The following MYH9 variants were observed in gnomAD, a reference collection of about 807,000 sequenced individuals.
MYH9 encodes the protein myosin heavy chain 9.
MYH9 carries 29 observed loss-of-function variants against 241.9 expected under a neutral mutation model. The observed-to-expected ratio is 0.12, with a 90% confidence interval of 0.09 to 0.16. The LOEUF (loss-of-function observed/expected upper bound fraction) is 0.16. Among genes scored for constraint, MYH9 ranks in the 10% least tolerant of loss-of-function variants. MYH9 has a pLI of 1.00. For synonymous variants in MYH9, 1,047 were observed against 1,062.6 expected (o/e 0.99, Z 0.29); for missense variants, 1,803 against 2,595.5 (o/e 0.69, Z 6.63).
At position 36,377,418 on chromosome 22, in the gene MYH9, A is replaced by T. The variant is rs190047605; in HGVS notation, c.-20+10389T>A. 3.4e-4 allele frequency among the ~76,000 whole-genome samples: 50 copies of T among 147,450 alleles called. No individual in the cohort carries two copies. The Middle Eastern group carries it at 0.01, about 31-fold the overall frequency. On this transcript the variant is annotated intron_variant, in intron 1 of 40. Coordinates refer to ENST00000216181, the MANE Select transcript of MYH9 (RefSeq NM_002473.6). ...TCTATCGCTTTGTAACAGCCTTTCT[A>T]AAAAAAAAAATACTTAAACCAGCTC...
At chr22:36,316,259 C>T (rs1285726815) in intron 12 of MYH9, among the ~76,000 whole-genome samples, 4 of 151,758 alleles carry the variant, frequency 2.6e-5, no homozygotes, top group African/African-American at 9.7e-5. Flanking sequence ...GTCTCAAACT[C>T]CTGACCTCAA....
intron 9 of MYH9, chr22:36,319,967 T>C (rs2017224126): frequency 3.3e-6 from 2 of 614,940 alleles, no homozygotes; most frequent in East Asian, 5.5e-5. Flanking sequence ...TGGCAAGGGC[T>C]GTGCAGTGGA....
chr22:36,359,562 A>C (rs189451623), intron 1 of MYH9, among the ~76,000 whole-genome samples: 14 of 152,356 alleles, frequency 9.2e-5, no homozygotes, highest in Admixed American at 6.5e-4. Context: ...TCAATCTACA[A>C]AGAGAAATAG....
At chr22:36,290,329 GAC>G (rs2041290221) in intron 31 of MYH9, among the ~76,000 whole-genome samples, 1 of 101,734 alleles carries the variant, frequency 9.8e-6, no homozygotes, top group Non-Finnish European at 1.8e-5. Context: ...AACAGACAGA[GAC>G]AGTCTCCAAA....
Position 36,301,065 on chromosome 22 carries a change from C to T in MYH9, c.2632-8G>A, listed in dbSNP as rs2016869502. 1 of 1,607,962 alleles carries T rather than the reference C, an allele frequency of 6.2e-7. No homozygotes were observed. The highest frequency in any genetic ancestry group is 8.5e-7 in the Non-Finnish European group (1 of 1,179,738). On this transcript the variant is annotated splice_polypyrimidine_tract_variant and splice_region_variant and intron_variant, in intron 21 of 40. Coordinates refer to ENST00000216181, the MANE Select transcript of MYH9 (RefSeq NM_002473.6). ...CAATTTCTCTGCCATGAGCTGCAAACAACAAGTGGAAAACACAAGCTCCTC... is the reference window on the plus strand; with the variant it reads ...CAATTTCTCTGCCATGAGCTGCAAATAACAAGTGGAAAACACAAGCTCCTC...
intron 3 of MYH9, 55 bp from the exon 4 acceptor site, chr22:36,327,543 CT>C: frequency 6.2e-7 from 1 of 1,608,548 alleles, no homozygotes; most frequent in South Asian, 1.1e-5. Flanking sequence ...GCCTCCCCAC[CT>C]TGCTCCCAAA....
intron 1 of MYH9, among the ~76,000 whole-genome samples, chr22:36,363,823 C>T (rs914510057): frequency 1.3e-5 from 2 of 152,172 alleles, no homozygotes; most frequent in Admixed American, 6.5e-5. Context: ...GTTCACCAAG[C>T]GCACCAAGCA....
At chr22:36,347,618 C>A (rs914743899) in intron 2 of MYH9, among the ~76,000 whole-genome samples, 5 of 151,362 alleles carry the variant, frequency 3.3e-5, no homozygotes, top group African/African-American at 9.7e-5. Flanking sequence ...GCCTGTAGTC[C>A]CAGCCACCAG....
chr22:36,316,791 G>T, intron 11 of MYH9, 122 bp from the exon 12 acceptor site: 1 of 1,128,416 alleles, frequency 8.9e-7, no homozygotes, highest in Non-Finnish European at 1.3e-6. Context: ...TAAGTATGTG[G>T]GGGAAAAAAA....
intron 13 of MYH9, among the ~76,000 whole-genome samples, chr22:36,313,090 C>CAA (rs66519203): frequency 0.02 from 2,809 of 142,104 alleles, 86 homozygotes; most frequent in African/African-American, 0.07. Context: ...AAATCTGTCT[C>CAA]AAAAAAAAAA....
rs1329334924 is a variant in MYH9 at position 36,306,176 on chromosome 22, G to A, written c.2038-125C>T. On this transcript the variant is annotated intron_variant, in intron 16 of 40. Transcript: ENST00000216181. This position sits in a 1 kb window ranked among gnomAD's most constrained non-coding sequence, Gnocchi z 4.1. The stretch of plus-strand genomic sequence containing the variant: ...GGGAGGGGGTCGCTACAGCCCACAG[G>A]TTTGGACAATGAAGTCAAAGGATCC... 1.3e-6 allele frequency: 2 copies of A among 1,501,170 alleles called. No homozygotes were observed. Among genetic ancestry groups the A allele is most frequent in the African/African-American group, 2.8e-5 (2 of 72,570 alleles). The allele number at this position is 1,501,170 out of a possible 1,614,324, so 93.0% of individuals were successfully genotyped here.
In MYH9 at chr22:36,293,969, T is replaced by A; in HGVS notation, c.3838-106A>T. 1 of 1,454,438 alleles carries A rather than the reference T, an allele frequency of 6.9e-7. No homozygotes were observed. Among genetic ancestry groups the A allele is most frequent in the Non-Finnish European group, 9.5e-7 (1 of 1,055,836 alleles). 90.1% of individuals were successfully genotyped at this position (1,454,438 alleles called of 1,614,324 possible). On this transcript the variant is annotated intron_variant, in intron 28 of 40. Coordinates refer to ENST00000216181, the MANE Select transcript of MYH9 (RefSeq NM_002473.6). This position sits in a 1 kb window ranked among gnomAD's most constrained non-coding sequence, Gnocchi z 5.1. ...TGGACCTGAGTCACAAGCTGAACCA[T>A]GAGGGTCTGAGGAGCCAGTTTGAGA...
intron 1 of MYH9, among the ~76,000 whole-genome samples, chr22:36,379,314 T>C (rs1428668533): frequency 1.3e-5 from 2 of 152,146 alleles, no homozygotes; most frequent in Non-Finnish European, 2.9e-5. Flanking sequence ...GAGACCATCC[T>C]GGCTAACACG....
chr22:36,298,110 C>T (rs530544769), intron 24 of MYH9, among the ~76,000 whole-genome samples: 1 of 152,256 alleles, frequency 6.6e-6, no homozygotes, highest in East Asian at 1.9e-4. Context: ...ACCTGACTCA[C>T]CTCATCCCCT....
chr22:36,359,786 A>G (rs969029237), intron 1 of MYH9, among the ~76,000 whole-genome samples: 11 of 152,340 alleles, frequency 7.2e-5, no homozygotes, highest in Admixed American at 2.0e-4. Flanking sequence ...CCATCTATCA[A>G]GTAGGTGCTG....
rs1237077074 is a variant in MYH9, at chr22:36,293,368, C to T, written c.4056G>A (p.Lys1352=). ...TGGCGATCTGCTTCTCCAGGTTGTG[C>T]TTGGCCTCCTCCTCCTCCTCCAGCT... is the stretch of plus-strand genomic sequence containing the variant. The part of the protein sequence containing the change: ...REQLEEEEEA[K]HNLEKQIATL... Residue 1352 remains lysine, a synonymous_variant, in exon 30 of 41, where the codon AAG becomes AAA. Transcript: ENST00000216181. The surrounding 1 kb of genome is among the most constrained non-coding windows in gnomAD (Gnocchi z 5.1). 4.3e-6 allele frequency: 7 copies of T among 1,614,070 alleles called. No individual in the cohort carries two copies. The highest frequency in any genetic ancestry group is 1.6e-4 in the Middle Eastern group (1 of 6,062).
intron 34 of MYH9, among the ~76,000 whole-genome samples, chr22:36,287,849 G>A (rs1342192256): frequency 1.3e-5 from 2 of 152,210 alleles, no homozygotes; most frequent in African/African-American, 4.8e-5. Flanking sequence ...TATTAGTGAG[G>A]TGAAGATTTC....
chr22:36,321,867 G>T (rs774484593), intron 6 of MYH9, 46 bp from the exon 7 acceptor site: 6 of 1,544,104 alleles, frequency 3.9e-6, no homozygotes, highest in Non-Finnish European at 5.4e-6. Context: ...CCCTGACATG[G>T]GGAGCTAGAG....
At chr22:36,336,366 C>T (rs1365903888) in intron 3 of MYH9, among the ~76,000 whole-genome samples, 2 of 152,224 alleles carry the variant, frequency 1.3e-5, no homozygotes, top group Admixed American at 6.5e-5. Flanking sequence ...ATTTCCTAGG[C>T]GAGGCAGACC....
Sources: gnomAD v4.1 joint callset for allele counts (sites outside exome capture counted in the v4.1 genomes callset) on GRCh38, gnomAD v4.1.1 for gene constraint, Gnocchi (gnomAD v3.1) non-coding constraint, MANE v1.5 for transcripts, NCBI Gene and HGNC (gene_info 2026-07-23, HGNC 2026-07-21) for gene names.